SP4: variants seen among roughly 807,000 people sequenced by gnomAD.
SP4 encodes the protein Sp4 transcription factor.
SP4 carries 19 observed loss-of-function variants against 72.8 expected under a neutral mutation model. The observed-to-expected ratio is 0.26, with a 90% CI of 0.18 to 0.38. SP4 has a LOEUF of 0.38. Ranked by LOEUF, SP4 falls within the 10% of genes least tolerant of loss-of-function variation. The pLI is 1.00. For missense variants in SP4, 1,008 were observed against 926.3 expected, an observed-to-expected ratio of 1.09 and a Z score of -1.14; for synonymous variants, 395 against 333.1, an observed-to-expected ratio of 1.19 and a Z score of -2.02.
At chr7:21,432,959 A>G (rs537642232) in intron 3 of SP4, among the ~76,000 whole-genome samples, 1 of 152,184 alleles carries the variant, frequency 6.6e-6, no homozygotes, top group East Asian at 1.9e-4. Context: ...GCCTCACTGC[A>G]CTCCCACCTG....
chr7:21,444,290 CAAG>C (rs1455983382), intron 3 of SP4, among the ~76,000 whole-genome samples: 4 of 152,152 alleles, frequency 2.6e-5, no homozygotes, highest in Non-Finnish European at 5.9e-5. Context: ...ATGAATGAAA[CAAG>C]AAGTAAAAGG....
At chr7:21,502,801 G>C (rs1300558312) in intron 5 of SP4, among the ~76,000 whole-genome samples, 1 of 152,170 alleles carries the variant, frequency 6.6e-6, no homozygotes, top group East Asian at 1.9e-4. Context: ...TTGAGTTTTT[G>C]ATGAGTTTGA....
chr7:21,428,830 A>G, intron 2 of SP4, 38 bp downstream of exon 2: 1 of 1,467,610 alleles, frequency 6.8e-7, no homozygotes, highest in Admixed American at 2.2e-5. Flanking sequence ...ATCACGACAC[A>G]TTAGGAGAGA....
At chr7:21,444,750 C>G (rs1783370105) in intron 3 of SP4, among the ~76,000 whole-genome samples, 1 of 152,094 alleles carries the variant, frequency 6.6e-6, no homozygotes, top group Non-Finnish European at 1.5e-5. Context: ...CCAAGGCTAT[C>G]AGAGGTTAAT....
At chr7:21,487,987 C>T (rs1320000599) in intron 5 of SP4, among the ~76,000 whole-genome samples, 1 of 152,044 alleles carries the variant, frequency 6.6e-6, no homozygotes, top group Non-Finnish European at 1.5e-5. Context: ...CCTCAGCCTC[C>T]CGAGTAGCTG....
intron 4 of SP4, among the ~76,000 whole-genome samples, chr7:21,481,570 T>TA (rs1379462679): frequency 1.3e-5 from 2 of 152,340 alleles, no homozygotes; most frequent in African/African-American, 2.4e-5. Flanking sequence ...CTCTGCATCT[T>TA]ACACTTTTAA....
At chr7:21,442,657 T>C (rs1193509546) in intron 3 of SP4, among the ~76,000 whole-genome samples, 2 of 152,312 alleles carry the variant, frequency 1.3e-5, no homozygotes, top group African/African-American at 4.8e-5. Flanking sequence ...CTAAAAAGTT[T>C]ACCATATCAG....
intron 5 of SP4, among the ~76,000 whole-genome samples, chr7:21,489,758 A>C (rs1198395221): frequency 1.3e-5 from 2 of 151,722 alleles, no homozygotes; most frequent in Non-Finnish European, 2.9e-5. Context: ...ATGGGGTTTC[A>C]CTGTGTTAGC....
At chr7:21,468,294 C>G (rs1343951321) in intron 3 of SP4, among the ~76,000 whole-genome samples, 1 of 152,122 alleles carries the variant, frequency 6.6e-6, no homozygotes, top group Non-Finnish European at 1.5e-5. Context: ...AGCAGACTTT[C>G]ATGGAAAAGT....
intron 5 of SP4, among the ~76,000 whole-genome samples, chr7:21,510,474 T>C (rs927859258): frequency 4.6e-5 from 7 of 152,246 alleles, no homozygotes; most frequent in Non-Finnish European, 8.8e-5. Context: ...GAAACTGTTA[T>C]CTTATGAAAC....
rs1782780128 is a variant in SP4, at chr7:21,430,004, C to T, written c.839C>T (p.Thr280Ile). ...VINNVAAGGGTGQVGQPAATA... is the reference protein window; with the variant it reads ...VINNVAAGGGIGQVGQPAATA... ...AACAACGTGGCTGCCGGAGGAGGGA[C>T]TGGGCAGGTTGGCCAGCCTGCTGCT... The change falls in exon 3 of 6, where the codon ACT becomes ATT. Residue 280 changes from threonine (T) to isoleucine (I), a missense_variant. Thr to Ile is a moderately conservative substitution (Grantham distance 89). This residue lies in a region of SP4 where 893 missense variants were observed against 743.3 expected (regional missense o/e 1.20). Coordinates refer to ENST00000222584, the MANE Select transcript of SP4 (RefSeq NM_003112.5). The T allele has an allele frequency of 6.2e-7, 1 of 1,614,026 alleles. No homozygotes were observed. Among genetic ancestry groups the T allele is most frequent in the African/African-American group, 1.3e-5 (1 of 74,906 alleles).
Position 21,513,918 on chromosome 7 carries a change from T to C in SP4, c.*2649T>C, listed in dbSNP as rs1459675518. 6.6e-6 allele frequency: 1 copy of C among 152,498 alleles called. No individual in the cohort carries two copies. Among genetic ancestry groups the C allele is most frequent in the Non-Finnish European group, 1.5e-5 (1 of 68,012 alleles). 9.4% of individuals were successfully genotyped at this position (152,498 alleles called of 1,614,324 possible). A position where few individuals can be genotyped will look rare whatever the true frequency, so the allele number is the denominator to read the frequency against. ...GTCTACTTTTCTGTCTTTAGAAGAA[T>C]CGTAAATTTCAGTGTCCTTTATTTG... On this transcript the variant is annotated 3_prime_UTR_variant, in exon 6 of 6. Transcript: ENST00000222584.
At chr7:21,432,373 C>T (rs1370360632) in intron 3 of SP4, among the ~76,000 whole-genome samples, 1 of 152,164 alleles carries the variant, frequency 6.6e-6, no homozygotes, top group Non-Finnish European at 1.5e-5. Flanking sequence ...GGTTGAATGA[C>T]AGTTTGCATT....
In SP4 at chr7:21,428,137, G is replaced by A. The variant is rs550576137; in HGVS notation, c.-115G>A. Reference sequence around the variant, plus strand: ...AGAGGCAGAGCCTGTGCCAGCTACAGCCTCCTCCGAGCCACCGCGGGCGGG... The same window carrying A: ...AGAGGCAGAGCCTGTGCCAGCTACAACCTCCTCCGAGCCACCGCGGGCGGG... On this transcript the variant is annotated 5_prime_UTR_variant, in exon 1 of 6. Coordinates refer to ENST00000222584, the MANE Select transcript of SP4 (RefSeq NM_003112.5). 9.7e-6 allele frequency: 7 copies of A among 721,242 alleles called. No homozygotes were observed. Among genetic ancestry groups the A allele is most frequent in the East Asian group, 2.7e-5 (1 of 37,260 alleles). The allele number at this position is 721,242 out of a possible 1,614,324, so 44.7% of individuals were successfully genotyped here.
chr7:21,432,219 A>AC (rs1366409449), intron 3 of SP4, among the ~76,000 whole-genome samples: 24 of 152,346 alleles, frequency 1.6e-4, no homozygotes, highest in African/African-American at 5.8e-4. Flanking sequence ...TAGTGTTTCC[A>AC]TTGCGGTACT....
At chr7:21,464,837 A>G (rs914604562) in intron 3 of SP4, among the ~76,000 whole-genome samples, 1 of 152,230 alleles carries the variant, frequency 6.6e-6, no homozygotes, top group Non-Finnish European at 1.5e-5. Flanking sequence ...CATTACTACT[A>G]TGGTGACTCA....
At chr7:21,501,086 A>G (rs564417652) in intron 5 of SP4, among the ~76,000 whole-genome samples, 10 of 152,212 alleles carry the variant, frequency 6.6e-5, no homozygotes, top group Middle Eastern at 3.4e-3. Context: ...CAGGGTTACA[A>G]TCTTCCCGGA....
At chr7:21,447,400 T>C (rs181231822) in intron 3 of SP4, among the ~76,000 whole-genome samples, 1 of 152,316 alleles carries the variant, frequency 6.6e-6, no homozygotes, top group East Asian at 1.9e-4. Context: ...GGACTTCTGG[T>C]TAGTGTGCCC....
At chr7:21,441,187 T>C (rs1471924154) in intron 3 of SP4, among the ~76,000 whole-genome samples, 4 of 152,124 alleles carry the variant, frequency 2.6e-5, no homozygotes, top group Non-Finnish European at 5.9e-5. Flanking sequence ...AAATAGGCCT[T>C]AAAGATTGGT....
Sources: allele counts gnomAD v4.1 joint callset (sites outside exome capture counted in the v4.1 genomes callset), GRCh38; gene constraint gnomAD v4.1.1; regional missense constraint gnomAD v4.1.1; transcripts MANE v1.5; gene names NCBI Gene and HGNC (gene_info 2026-07-23, HGNC 2026-07-21).